PPP1R8: variants seen among roughly 807,000 people sequenced by gnomAD.
The protein encoded by PPP1R8 is nuclear inhibitor of protein phosphatase 1.
PPP1R8 carries 4 observed loss-of-function variants against 31.3 expected under a neutral mutation model. That is an observed-to-expected ratio of 0.13 (90% CI 0.06 to 0.29). The LOEUF (loss-of-function observed/expected upper bound fraction) is 0.29. Among genes scored for constraint, PPP1R8 ranks in the 10% least tolerant of loss-of-function variants. The pLI, the probability that PPP1R8 is intolerant of heterozygous loss-of-function variation, is 1.00. For missense variants in PPP1R8, 254 were observed against 440.1 expected, an observed-to-expected ratio of 0.58 and a Z score of 3.78; for synonymous variants, 170 against 169.7, an observed-to-expected ratio of 1.00 and a Z score of -0.01.
chr1:27,849,998 T>A (rs2089325124), intron 6 of PPP1R8, 95 bp from the exon 7 acceptor site: 5 of 1,219,730 alleles, frequency 4.1e-6, no homozygotes, highest in Non-Finnish European at 5.7e-6. Context: ...AAAAGCCATT[T>A]TTTTAAGGCT....
intron 5 of PPP1R8, among the ~76,000 whole-genome samples, chr1:27,843,803 A>G (rs2148618541): frequency 6.6e-6 from 1 of 152,182 alleles, no homozygotes; most frequent in African/African-American, 2.4e-5. Context: ...AAATAAAAAA[A>G]TCAGCCAGGC....
At chr1:27,847,878 A>G (rs2089300906) in intron 6 of PPP1R8, among the ~76,000 whole-genome samples, 2 of 152,228 alleles carry the variant, frequency 1.3e-5, no homozygotes, top group African/African-American at 4.8e-5. Context: ...GTAGATAACT[A>G]GCCAGCTTGA....
At chr1:27,847,817 T>C (rs543837222) in intron 6 of PPP1R8, among the ~76,000 whole-genome samples, 1 of 152,336 alleles carries the variant, frequency 6.6e-6, no homozygotes, top group East Asian at 1.9e-4. Flanking sequence ...TTTCTCATTC[T>C]GTGGAAATGA....
chr1:27,833,618 T>G (rs2089133476), intron 2 of PPP1R8, among the ~76,000 whole-genome samples: 1 of 152,214 alleles, frequency 6.6e-6, no homozygotes, highest in Admixed American at 6.5e-5. Context: ...AAGCCCACTA[T>G]GACCATGTAG....
chr1:27,834,300 G>T (rs2089140346), intron 2 of PPP1R8: 3 of 426,202 alleles, frequency 7.0e-6, no homozygotes, highest in Non-Finnish European at 1.4e-5. Flanking sequence ...TGTTAAGTGT[G>T]CTGAGTTGCC....
chr1:27,830,940 T>G, intron 1 of PPP1R8, 49 bp downstream of exon 1: 1 of 1,496,064 alleles, frequency 6.7e-7, no homozygotes, highest in Non-Finnish European at 8.9e-7. Flanking sequence ...GGAGCTAGCC[T>G]GGGCTGGAAG....
intron 2 of PPP1R8, among the ~76,000 whole-genome samples, chr1:27,837,981 A>G (rs550707069): frequency 7.9e-4 from 119 of 151,322 alleles, no homozygotes; most frequent in African/African-American, 2.7e-3. Context: ...GGAGGCCGAG[A>G]TGGGCGGATC....
chr1:27,834,435 AGC>A (rs747714858), intron 2 of PPP1R8: 1 of 519,068 alleles, frequency 1.9e-6, no homozygotes, highest in Non-Finnish European at 3.8e-6. Context: ...TCTATATCCT[AGC>A]CTTGTGTCAA....
intron 2 of PPP1R8, among the ~76,000 whole-genome samples, chr1:27,838,310 G>A (rs1296657176): frequency 3.3e-5 from 5 of 152,002 alleles, no homozygotes; most frequent in South Asian, 2.1e-4. Context: ...AACCCAGGAG[G>A]CAGAGGTTAC....
chr1:27,844,985 G>A (rs1203914736), intron 5 of PPP1R8, among the ~76,000 whole-genome samples: 12 of 128,904 alleles, frequency 9.3e-5, no homozygotes, highest in Admixed American at 1.6e-4. Context: ...CGCCCGCCTC[G>A]GCCTCCTAAA....
chr1:27,831,801 A>G (rs1247657053), intron 1 of PPP1R8, among the ~76,000 whole-genome samples: 1 of 152,148 alleles, frequency 6.6e-6, no homozygotes, highest in Non-Finnish European at 1.5e-5. Flanking sequence ...TTGGGGCAGG[A>G]TTGTGAGATG....
chr1:27,839,792 C>T (rs2089205417), intron 3 of PPP1R8, among the ~76,000 whole-genome samples: 1 of 152,108 alleles, frequency 6.6e-6, no homozygotes, highest in South Asian at 2.1e-4. Context: ...GGCATGGTGA[C>T]TCACACCTGT....
At chr1:27,848,056 G>A (rs1170193500) in intron 6 of PPP1R8, among the ~76,000 whole-genome samples, 5 of 152,156 alleles carry the variant, frequency 3.3e-5, no homozygotes, top group African/African-American at 1.2e-4. Context: ...TTTATTTTAT[G>A]AGTGGCAATG....
At position 27,830,820 on chromosome 1, in the gene PPP1R8, G is replaced by A; in HGVS notation, c.-16G>A. On this transcript the variant is annotated 5_prime_UTR_variant, in exon 1 of 7. Coordinates refer to ENST00000311772, the MANE Select transcript of PPP1R8 (RefSeq NM_014110.5). ...GGCGTGCTTAGGGCGCGCCAAATGGGAGGGGGAGACGCAAGATGGCGGCAG... is the reference window on the plus strand; with the variant it reads ...GGCGTGCTTAGGGCGCGCCAAATGGAAGGGGGAGACGCAAGATGGCGGCAG... The A allele has an allele frequency of 6.4e-7, 1 of 1,572,356 alleles. No homozygotes were observed. The highest frequency in any genetic ancestry group is 8.6e-7 in the Non-Finnish European group (1 of 1,159,792).
At chr1:27,837,950 G>A (rs947183133) in intron 2 of PPP1R8, among the ~76,000 whole-genome samples, 3 of 151,632 alleles carry the variant, frequency 2.0e-5, no homozygotes, top group Non-Finnish European at 4.4e-5. Flanking sequence ...GGTGGCTCAC[G>A]CCTGTAATCC....
intron 2 of PPP1R8, chr1:27,834,337 G>C: frequency 2.1e-6 from 1 of 480,492 alleles, no homozygotes. Context: ...ACAATCCTTA[G>C]ACATCACTGT....
Position 27,850,557 on chromosome 1 carries a change from G to A in PPP1R8, c.*111G>A, listed in dbSNP as rs538626308. The stretch of plus-strand genomic sequence containing the variant: ...TCCATGTGTGCGGTATCGTCTTTCA[G>A]AATGTCTCCTGGCATCCTAACCATG... On this transcript the variant is annotated 3_prime_UTR_variant, in exon 7 of 7. Transcript: ENST00000311772. The A allele has an allele frequency of 4.0e-4, 398 of 987,222 alleles. 1 individual carries two copies. Among genetic ancestry groups the A allele is most frequent in the Non-Finnish European group, 5.4e-4 (369 of 681,198 alleles). 61.2% of individuals were successfully genotyped at this position (987,222 alleles called of 1,614,324 possible). A position where few individuals can be genotyped will look rare whatever the true frequency, so the allele number is the denominator to read the frequency against.
intron 3 of PPP1R8, 36 bp from the exon 4 acceptor site, chr1:27,840,978 T>A: frequency 6.2e-6 from 10 of 1,604,604 alleles, no homozygotes; most frequent in Non-Finnish European, 8.5e-6. Context: ...GTTGTTTTTG[T>A]TTTCCCCCTT....
At position 27,851,531 on chromosome 1, in the gene PPP1R8, T is replaced by G. The variant is rs749885687; in HGVS notation, c.*1085T>G. On this transcript the variant is annotated 3_prime_UTR_variant, in exon 7 of 7. Transcript: ENST00000311772. ...TAAATTAAACGTAACTTTTGTCATT[T>G]GGGTGCAGGCTGTGAATTTGTCTCT... The G allele has an allele frequency of 1.8e-5, 9 of 493,746 alleles. No individual in the cohort carries two copies. Among genetic ancestry groups the G allele is most frequent in the African/African-American group, 7.8e-5 (4 of 51,610 alleles). The allele number at this position is 493,746 out of a possible 1,614,324, so 30.6% of individuals were successfully genotyped here.
Sources: allele counts gnomAD v4.1 joint callset (sites outside exome capture counted in the v4.1 genomes callset), GRCh38; gene constraint gnomAD v4.1.1; transcripts MANE v1.5; gene names NCBI Gene and HGNC (gene_info 2026-07-23, HGNC 2026-07-21).